The following CCDC15 variants were observed in gnomAD, a reference collection of about 807,000 sequenced individuals.
CCDC15 encodes the protein coiled-coil domain containing 15.
In CCDC15, 105 loss-of-function variants were observed where a neutral mutation model predicts 114.5. The observed-to-expected ratio is 0.92, with a 90% CI of 0.78 to 1.08. The LOEUF (loss-of-function observed/expected upper bound fraction) is 1.08, where lower values mean the gene tolerates loss of function less well. Ranked by LOEUF, CCDC15 falls within the 50% of genes least tolerant of loss-of-function variation. CCDC15 has a pLI of 0.00. For missense variants in CCDC15, 1,105 were observed against 1,093.6 expected, an observed-to-expected ratio of 1.01 and a Z score of -0.15; for synonymous variants, 334 against 377.8, an observed-to-expected ratio of 0.88 and a Z score of 1.34.
At chr11:124,960,226 A>G (rs1312257577) in intron 4 of CCDC15, among the ~76,000 whole-genome samples, 1 of 151,214 alleles carries the variant, frequency 6.6e-6, no homozygotes, top group Non-Finnish European at 1.5e-5. Context: ...GTTTGGTAAG[A>G]TACTCTAAAA....
At chr11:125,040,410 CTT>C (rs1195836155) in intron 15 of CCDC15, among the ~76,000 whole-genome samples, 178 bp from the exon 16 acceptor site, 1 of 152,124 alleles carries the variant, frequency 6.6e-6, no homozygotes, top group East Asian at 1.9e-4. Context: ...TGTCCATACT[CTT>C]TATTATTTTT....
In CCDC15 at chr11:125,004,377, T is replaced by C. The variant is rs553162882; in HGVS notation, c.2307+418T>C. Among the ~76,000 whole-genome samples the C allele has an allele frequency of 3.9e-4, 60 of 152,066 alleles. 1 individual carries two copies. In the South Asian group the frequency reaches 8.5e-3, roughly 22 times the overall value. ...AATATGCCTAGATCTAAACCAGATA[T>C]ACCAAATCAGTATCTGAAAACGGAG... On this transcript the variant is annotated intron_variant, in intron 12 of 15. Transcript: ENST00000344762.
chr11:124,964,937 G>A (rs374414602), intron 4 of CCDC15, among the ~76,000 whole-genome samples: 3 of 151,808 alleles, frequency 2.0e-5, no homozygotes, highest in African/African-American at 7.3e-5. Context: ...ATGTGATGGC[G>A]TACGTTTATT....
At chr11:125,015,884 G>A (rs1948626295) in intron 13 of CCDC15, among the ~76,000 whole-genome samples, 1 of 152,142 alleles carries the variant, frequency 6.6e-6, no homozygotes, top group African/African-American at 2.4e-5. Flanking sequence ...TATACTTGCA[G>A]CTTCTGCTTA....
intron 13 of CCDC15, among the ~76,000 whole-genome samples, chr11:125,008,495 A>G (rs1948566986): frequency 6.6e-6 from 1 of 152,110 alleles, no homozygotes; most frequent in Non-Finnish European, 1.5e-5. Context: ...CCCAGTCTGT[A>G]TGCCTTTTAT....
chr11:125,034,548 T>G (rs1389297335), intron 13 of CCDC15, among the ~76,000 whole-genome samples: 1 of 152,210 alleles, frequency 6.6e-6, no homozygotes, highest in African/African-American at 2.4e-5. Context: ...ATCATTTTCT[T>G]TCATCACTTT....
intron 4 of CCDC15, among the ~76,000 whole-genome samples, chr11:124,972,643 C>T (rs1228301214): frequency 5.3e-5 from 8 of 152,242 alleles, no homozygotes; most frequent in Admixed American, 3.9e-4. Flanking sequence ...GTTCTGGAGG[C>T]CAGAAGTCCA....
intron 13 of CCDC15, among the ~76,000 whole-genome samples, chr11:125,022,262 G>A (rs997701449): frequency 4.0e-5 from 6 of 151,620 alleles, no homozygotes; most frequent in Non-Finnish European, 8.9e-5. Context: ...TCCTTTATAT[G>A]CCTTTAAATC....
intron 13 of CCDC15, among the ~76,000 whole-genome samples, chr11:125,015,314 A>G (rs1230343615): frequency 6.6e-6 from 1 of 152,146 alleles, no homozygotes; most frequent in Non-Finnish European, 1.5e-5. Context: ...GGTTCTTTTA[A>G]AAATTTTGTT....
chr11:125,003,714 T>C (rs12793774), intron 11 of CCDC15, among the ~76,000 whole-genome samples, 153 bp from the exon 12 acceptor site: 30,815 of 151,980 alleles, frequency 0.2, 3,713 homozygotes, highest in African/African-American at 0.33. Flanking sequence ...TTCATTCTTT[T>C]TTGATTTTAT....
chr11:125,000,255 C>T (rs182161636), intron 11 of CCDC15, among the ~76,000 whole-genome samples: 1 of 152,152 alleles, frequency 6.6e-6, no homozygotes, highest in African/African-American at 2.4e-5. Flanking sequence ...TTGTAGCAGG[C>T]AGTCAGCCTG....
intron 4 of CCDC15, among the ~76,000 whole-genome samples, chr11:124,971,689 T>C (rs11219854): frequency 0.27 from 40,452 of 152,012 alleles, 6,372 homozygotes; most frequent in African/African-American, 0.44. Flanking sequence ...GTACATAGTT[T>C]GAACAAGTAA....
At chr11:125,024,142 A>G (rs1381213833) in intron 13 of CCDC15, among the ~76,000 whole-genome samples, 1 of 151,996 alleles carries the variant, frequency 6.6e-6, no homozygotes, top group East Asian at 1.9e-4. Context: ...TCATCTCTAT[A>G]TATGCATGTA....
chr11:125,024,378 G>A (rs1344198211), intron 13 of CCDC15, among the ~76,000 whole-genome samples: 6 of 151,942 alleles, frequency 3.9e-5, no homozygotes, highest in Non-Finnish European at 8.8e-5. Context: ...TTTTGATTGG[G>A]ATTATGTTCA....
intron 13 of CCDC15, chr11:125,037,929 T>C (rs1948787082): frequency 1.3e-5 from 2 of 151,972 alleles, no homozygotes; most frequent in Non-Finnish European, 2.9e-5. Context: ...TGTTTTTTTT[T>C]TTTTTGAGAT....
At chr11:124,965,953 G>C (rs1438489143) in intron 4 of CCDC15, among the ~76,000 whole-genome samples, 4 of 152,192 alleles carry the variant, frequency 2.6e-5, no homozygotes, top group African/African-American at 9.7e-5. Context: ...GTGTGGTTTT[G>C]AGTGAGTTTC....
chr11:124,956,596 A>T lies in CCDC15; in HGVS notation c.177+1687A>T, dbSNP rs145969093. Among the ~76,000 whole-genome samples the T allele has an allele frequency of 2.0e-5, 3 of 152,374 alleles. No individual in the cohort carries two copies. The East Asian group carries it at 5.8e-4, about 29-fold the overall frequency. On this transcript the variant is annotated intron_variant, in intron 2 of 15. Transcript: ENST00000344762. ...TCTGTATAATATCAGTAGTGTCAAC[A>T]TGCCTAAAATTTGACACCATCAAAC...
intron 4 of CCDC15, among the ~76,000 whole-genome samples, chr11:124,968,676 A>G (rs1399376958): frequency 6.6e-6 from 1 of 151,844 alleles, no homozygotes; most frequent in African/African-American, 2.4e-5. Context: ...CTGTCCAGCC[A>G]GTCCCAAGGA....
chr11:125,035,977 T>G (rs1948772149), intron 13 of CCDC15, among the ~76,000 whole-genome samples: 1 of 151,636 alleles, frequency 6.6e-6, no homozygotes, highest in Non-Finnish European at 1.5e-5. Flanking sequence ...TCAGTTCATC[T>G]TTTAGTCTTC....
Sources: gnomAD v4.1 joint callset for allele counts (sites outside exome capture counted in the v4.1 genomes callset) on GRCh38, gnomAD v4.1.1 for gene constraint, MANE v1.5 for transcripts, NCBI Gene and HGNC (gene_info 2026-07-23, HGNC 2026-07-21) for gene names.